The following AKAP10 variants were observed in gnomAD, a reference collection of about 807,000 sequenced individuals.
AKAP10 encodes the protein A-kinase anchor protein 10, mitochondrial.
Under a neutral mutation model 80.8 loss-of-function variants are expected in AKAP10, and 24 were observed. The observed-to-expected ratio is 0.30, with a 90% CI of 0.22 to 0.42. The LOEUF is 0.42. Ranked by LOEUF, AKAP10 falls within the 10% of genes least tolerant of loss-of-function variation. The pLI is 1.00. For synonymous variants in AKAP10, 291 were observed against 277.7 expected, an observed-to-expected ratio of 1.05 and a Z score of -0.48; for missense variants, 661 against 794.9, an observed-to-expected ratio of 0.83 and a Z score of 2.03.
chr17:19,921,864 T>C (rs1452756555), intron 11 of AKAP10, among the ~76,000 whole-genome samples: 2 of 152,146 alleles, frequency 1.3e-5, no homozygotes, highest in Non-Finnish European at 2.9e-5. Flanking sequence ...TGATGAGTTA[T>C]AGTAAATATT....
At chr17:19,940,836 G>A in intron 7 of AKAP10, 51 bp downstream of exon 7, 1 of 1,528,674 alleles carries the variant, frequency 6.5e-7, no homozygotes, top group Middle Eastern at 1.8e-4. Context: ...AGCATTGATA[G>A]TTAGAGGCTG....
intron 2 of AKAP10, among the ~76,000 whole-genome samples, chr17:19,963,681 G>A (rs967905437): frequency 1.3e-5 from 2 of 152,004 alleles, no homozygotes; most frequent in African/African-American, 4.8e-5. Flanking sequence ...GATCACCTGA[G>A]GTCAGGAGTT....
At chr17:19,942,129 T>C (rs1367526701) in intron 5 of AKAP10, among the ~76,000 whole-genome samples, 2 of 152,202 alleles carry the variant, frequency 1.3e-5, no homozygotes, top group African/African-American at 4.8e-5. Flanking sequence ...TAAAATTTAA[T>C]TCCTATACAT....
chr17:19,936,412 G>C lies in AKAP10; in HGVS notation c.1341C>G (p.Ala447=). Residue 447 remains alanine, a synonymous_variant, in exon 9 of 15, where the codon GCC becomes GCG. Coordinates refer to ENST00000225737, the MANE Select transcript of AKAP10 (RefSeq NM_007202.4). ...CATCATCAAATCCAAGAGGATGTGT[G>C]GCTTGGAGGGAGAAGTACCTATGGT... is the stretch of plus-strand genomic sequence containing the variant. The part of the protein sequence containing the change: ...ILYDKYFSLQ[A]THPLGFDDVV... 6.2e-7 allele frequency: 1 copy of C among 1,611,018 alleles called. No homozygotes were observed. Among genetic ancestry groups the C allele is most frequent in the South Asian group, 1.1e-5 (1 of 90,848 alleles).
chr17:19,909,391 A>C (rs912658195), intron 13 of AKAP10, 115 bp from the exon 14 acceptor site: 1 of 923,452 alleles, frequency 1.1e-6, no homozygotes, highest in Non-Finnish European at 1.6e-6. Flanking sequence ...TATTTGGATA[A>C]GAATTTCATT....
At position 19,964,844 on chromosome 17, in the gene AKAP10, G is replaced by A. The variant is rs113423894; in HGVS notation, c.137-1822C>T. Among the ~76,000 whole-genome samples the A allele has an allele frequency of 3.4e-3, 523 of 152,298 alleles. 3 individuals are homozygous for A. Among genetic ancestry groups the A allele is most frequent in the African/African-American group, 0.011 (469 of 41,562 alleles). ...AGAGGCAGAGGTTGCAGTGAGCTGCGCGATCTCGCCACTGCCCTCCAGCCT... is the reference window on the plus strand; with the variant it reads ...AGAGGCAGAGGTTGCAGTGAGCTGCACGATCTCGCCACTGCCCTCCAGCCT... On this transcript the variant is annotated intron_variant, in intron 2 of 14. Coordinates refer to ENST00000225737, the MANE Select transcript of AKAP10 (RefSeq NM_007202.4).
In AKAP10 at chr17:19,907,907, AGACCAGAGTGCAGTGGTGC is replaced by A. The variant is rs1310025574; in HGVS notation, c.1983+1255_1983+1273del. 2.6e-5 allele frequency among the ~76,000 whole-genome samples: 4 copies of A among 151,218 alleles called. No homozygotes were observed. The South Asian group carries it at 8.4e-4, about 32-fold the overall frequency. ...AGCCTGAGTTTTGCTCTTTTTGCCC[AGACCAGAGTGCAGTGGTGC>A]GATCTCGGCTCACTGCAACCTTCAC... On this transcript the variant is annotated intron_variant, in intron 14 of 14. Coordinates refer to ENST00000225737, the MANE Select transcript of AKAP10 (RefSeq NM_007202.4).
At chr17:19,914,628 C>CAAAAAAAAAAAAAAAAAA (rs36071856) in intron 12 of AKAP10, among the ~76,000 whole-genome samples, 1 of 58,516 alleles carries the variant, frequency 1.7e-5, no homozygotes, top group East Asian at 6.9e-4. Flanking sequence ...GACCCTATCT[C>CAAAAAAAAAAAAAAAAAA]AAAAAAAAAA....
chr17:19,970,453 TATTATAC>T (rs2043480763), intron 1 of AKAP10, among the ~76,000 whole-genome samples: 1 of 152,212 alleles, frequency 6.6e-6, no homozygotes, highest in South Asian at 2.1e-4. Context: ...TCCCCCTAAG[TATTATAC>T]ATAGACTTTA....
At chr17:19,938,684 T>C (rs2043019691) in intron 8 of AKAP10, among the ~76,000 whole-genome samples, 1 of 152,004 alleles carries the variant, frequency 6.6e-6, no homozygotes, top group South Asian at 2.1e-4. Context: ...ATCCCCAAGT[T>C]ACCCCTTTAG....
Position 19,945,407 on chromosome 17 carries a change from A to G in AKAP10, c.976+2000T>C, listed in dbSNP as rs751588265. ...TCAGTCAGAACATCCCTGTTGTATT[A>G]CTAGGAAAAGCTGGTCTAGGGATGA... On this transcript the variant is annotated intron_variant, in intron 5 of 14. Coordinates refer to ENST00000225737, the MANE Select transcript of AKAP10 (RefSeq NM_007202.4). 2.6e-5 allele frequency among the ~76,000 whole-genome samples: 4 copies of G among 152,206 alleles called. 1 individual carries two copies. In the South Asian group the frequency reaches 8.3e-4, roughly 31 times the overall value.
chr17:19,958,377 G>A lies in AKAP10; in HGVS notation c.514C>T (p.His172Tyr). Residue 172 changes from histidine (H) to tyrosine (Y), a missense_variant, in exon 4 of 15, where the codon CAC becomes TAC. Coordinates refer to ENST00000225737, the MANE Select transcript of AKAP10 (RefSeq NM_007202.4). ...CTCTGCTTCACTGTGTTTAGACTGT[G>A]TGCTCTTATTCGCGACCAAGTTGTT... ...HSTTWSRIRA[H>Y]SLNTVKQSSL... 1 of 1,614,236 alleles carries A rather than the reference G, an allele frequency of 6.2e-7. No individual in the cohort carries two copies. Among genetic ancestry groups the A allele is most frequent in the Non-Finnish European group, 8.5e-7 (1 of 1,180,044 alleles).
chr17:19,905,986 G>A lies in AKAP10; in HGVS notation c.*241C>T, dbSNP rs567159128. On this transcript the variant is annotated 3_prime_UTR_variant, in exon 15 of 15. Coordinates refer to ENST00000225737, the MANE Select transcript of AKAP10 (RefSeq NM_007202.4). ...GGAAAACTAATAATTTTCTAGTAAT[G>A]TAAACAATACCATTTTGTATCTTTA... 5.1e-5 allele frequency: 26 copies of A among 512,332 alleles called. No homozygotes were observed. The highest frequency in any genetic ancestry group is 1.3e-4 in the Admixed American group (4 of 30,748). 31.7% of individuals were successfully genotyped at this position (512,332 alleles called of 1,614,324 possible). A position where few individuals can be genotyped will look rare whatever the true frequency, so the allele number is the denominator to read the frequency against.
At chr17:19,967,029 T>G (rs908968007) in intron 2 of AKAP10, among the ~76,000 whole-genome samples, 10 of 152,166 alleles carry the variant, frequency 6.6e-5, no homozygotes, top group African/African-American at 1.2e-4. Context: ...ATAATTAGTC[T>G]TCTTCTCCAG....
chr17:19,942,659 T>C (rs1320172518), intron 5 of AKAP10, among the ~76,000 whole-genome samples: 2 of 152,198 alleles, frequency 1.3e-5, no homozygotes, highest in Non-Finnish European at 2.9e-5. Flanking sequence ...TGAAATGTGC[T>C]AAAATAAGGA....
At chr17:19,942,119 T>C (rs1040850760) in intron 5 of AKAP10, among the ~76,000 whole-genome samples, 13 of 152,244 alleles carry the variant, frequency 8.5e-5, no homozygotes, top group African/African-American at 3.1e-4. Context: ...TTTAACAACA[T>C]AAAATTTAAT....
Position 19,945,379 on chromosome 17 carries a change from T to TAA in AKAP10, c.976+2026_976+2027dup, listed in dbSNP as rs544588972. ...ACCAATTCTTCAAACAGGCAAACTC[T>TAA]AATCAGTCAGAACATCCCTGTTGTA... On this transcript the variant is annotated intron_variant, in intron 5 of 14. Transcript: ENST00000225737. Among the ~76,000 whole-genome samples, 10 of 152,270 alleles carry TAA rather than the reference T, an allele frequency of 6.6e-5. No individual in the cohort carries two copies. In the East Asian group the frequency reaches 9.6e-4, roughly 15 times the overall value.
At position 19,946,275 on chromosome 17, in the gene AKAP10, ATTTT is replaced by A. The variant is rs71157846; in HGVS notation, c.976+1128_976+1131del. 9.4e-3 allele frequency among the ~76,000 whole-genome samples: 121 copies of A among 12,882 alleles called. 5 individuals are homozygous for A. The highest frequency in any genetic ancestry group is 0.059 in the South Asian group (17 of 290). The allele number at this position is 12,882 out of a possible 152,430, so 8.5% of individuals were successfully genotyped here. ...TATATATATATATATATATATATATATTTTTTTTTTTTTTTTTTTTTTTTGGCAG... is the reference window on the plus strand; with the variant it reads ...TATATATATATATATATATATATATATTTTTTTTTTTTTTTTTTTTGGCAG... On this transcript the variant is annotated intron_variant, in intron 5 of 14. Transcript: ENST00000225737.
rs930826955 is a variant in AKAP10, at chr17:19,911,820, A to T, written c.1835-1842T>A. ...ATTGCACTCCAGCCTCGGCAACAAG[A>T]GCAAAACTCTGTCACAAAAAAAAAA... On this transcript the variant is annotated intron_variant, in intron 12 of 14. Coordinates refer to ENST00000225737, the MANE Select transcript of AKAP10 (RefSeq NM_007202.4). Among the ~76,000 whole-genome samples the T allele has an allele frequency of 4.4e-5, 6 of 135,378 alleles. No individual in the cohort carries two copies. The East Asian group carries it at 1.2e-3, about 27-fold the overall frequency. The allele number at this position is 135,378 out of a possible 152,430, so 88.8% of individuals were successfully genotyped here.
Sources: gnomAD v4.1 joint callset for allele counts (sites outside exome capture counted in the v4.1 genomes callset) on GRCh38, gnomAD v4.1.1 for gene constraint, MANE v1.5 for transcripts, NCBI Gene and HGNC (gene_info 2026-07-23, HGNC 2026-07-21) for gene names.